WDR17: variants seen among roughly 807,000 people sequenced by gnomAD.
The protein encoded by WDR17 is WD repeat-containing protein 17.
Under a neutral mutation model 161.7 loss-of-function variants are expected in WDR17, and 143 were observed. The observed-to-expected ratio is 0.88, with a 90% CI of 0.77 to 1.02. The LOEUF is 1.02. WDR17 is among the 50% of genes least tolerant of loss of function. The pLI is 0.00. For synonymous variants in WDR17, 517 were observed against 515.6 expected (o/e 1.00, Z -0.04); for missense variants, 1,469 against 1,520.9 (o/e 0.97, Z 0.57).
chr4:176,164,792 C>T (rs1374430381), intron 22 of WDR17, among the ~76,000 whole-genome samples: 1 of 152,114 alleles, frequency 6.6e-6, no homozygotes, highest in Non-Finnish European at 1.5e-5. Flanking sequence ...TCCCTTCCCC[C>T]ACTAAAATGT....
At chr4:176,119,623 T>A (rs1335632532) in intron 3 of WDR17, among the ~76,000 whole-genome samples, 1 of 152,220 alleles carries the variant, frequency 6.6e-6, no homozygotes, top group East Asian at 1.9e-4. Flanking sequence ...TTTGACTATA[T>A]GAAGCAAATG....
intron 26 of WDR17, 72 bp downstream of exon 26, chr4:176,174,790 GA>G: frequency 1.1e-6 from 1 of 903,952 alleles, no homozygotes; most frequent in Non-Finnish European, 1.7e-6. Context: ...TCTCTAAGTG[GA>G]TTATACAAAG....
At chr4:176,101,092 T>A (rs1737750808) in intron 1 of WDR17, among the ~76,000 whole-genome samples, 1 of 152,140 alleles carries the variant, frequency 6.6e-6, no homozygotes, top group South Asian at 2.1e-4. Flanking sequence ...TCTATATGAA[T>A]TTTAGGATCG....
At chr4:176,089,029 C>T (rs144516394) in intron 1 of WDR17, among the ~76,000 whole-genome samples, 71 of 152,244 alleles carry the variant, frequency 4.7e-4, no homozygotes, top group African/African-American at 1.5e-3. Flanking sequence ...AATCTAATTA[C>T]ACTGTATCTC....
At chr4:176,145,230 G>C (rs992727063) in intron 11 of WDR17, among the ~76,000 whole-genome samples, 3 of 149,866 alleles carry the variant, frequency 2.0e-5, no homozygotes, top group Admixed American at 1.3e-4. Flanking sequence ...GCAGGTCCGT[G>C]ATTTCCACAG....
Position 176,157,006 on chromosome 4 carries a change from G to A in WDR17, c.2525+863G>A, listed in dbSNP as rs553609266. Among the ~76,000 whole-genome samples, 65 of 152,080 alleles carry A rather than the reference G, an allele frequency of 4.3e-4. 1 individual carries two copies. In the South Asian group the frequency reaches 0.012, roughly 28 times the overall value. On this transcript the variant is annotated intron_variant, in intron 18 of 28. Coordinates refer to ENST00000508596, the MANE Select transcript of WDR17 (RefSeq NM_181265.4). ...GGTCCTACCCTAATCCAGTATGACC[G>A]CATATTACTTCAACTAATTACATCG...
intron 26 of WDR17, among the ~76,000 whole-genome samples, 156 bp from the exon 27 acceptor site, chr4:176,176,902 G>A (rs1048562624): frequency 2.6e-5 from 4 of 152,016 alleles, no homozygotes; most frequent in African/African-American, 7.2e-5. Context: ...GCATATATAC[G>A]CATATACTAG....
chr4:176,159,558 AC>A (rs1281126598), intron 18 of WDR17, among the ~76,000 whole-genome samples: 4 of 152,140 alleles, frequency 2.6e-5, no homozygotes, highest in Non-Finnish European at 2.9e-5. Context: ...TTTTTAAGCT[AC>A]TTGAGTTTCA....
intron 12 of WDR17, among the ~76,000 whole-genome samples, chr4:176,147,738 T>C (rs187066661): frequency 1.6e-3 from 249 of 151,630 alleles, no homozygotes; most frequent in African/African-American, 5.6e-3. Context: ...ACATGTACCC[T>C]AAAACTTAAA....
intron 1 of WDR17, among the ~76,000 whole-genome samples, chr4:176,089,189 T>C (rs1231341286): frequency 1.3e-5 from 2 of 151,976 alleles, no homozygotes; most frequent in African/African-American, 2.4e-5. Flanking sequence ...AGCAGCAAAA[T>C]GTACTCATTA....
chr4:176,066,886 C>A (rs1023148726), intron 1 of WDR17, among the ~76,000 whole-genome samples: 3 of 152,188 alleles, frequency 2.0e-5, no homozygotes, highest in South Asian at 2.1e-4. Flanking sequence ...GGATACGAAA[C>A]GGCCAAAGCC....
chr4:176,133,983 G>A (rs2126766701), intron 7 of WDR17, among the ~76,000 whole-genome samples: 1 of 151,798 alleles, frequency 6.6e-6, no homozygotes, highest in South Asian at 2.1e-4. Context: ...TTAAGGCATA[G>A]CAGTGAAATA....
At chr4:176,163,077 C>T (rs777839579) in intron 21 of WDR17, 77 bp from the exon 22 acceptor site, 1 of 1,551,416 alleles carries the variant, frequency 6.4e-7, no homozygotes, top group Admixed American at 1.7e-5. Context: ...GCTTTATCTG[C>T]TTTATGAGCT....
At chr4:176,078,509 C>A (rs2126581682) in intron 1 of WDR17, among the ~76,000 whole-genome samples, 1 of 152,190 alleles carries the variant, frequency 6.6e-6, no homozygotes, top group South Asian at 2.1e-4. Context: ...CTGTCAGGAT[C>A]TGCTAGAAAT....
At chr4:176,076,408 G>GTTTTTTTT (rs564678477) in intron 1 of WDR17, among the ~76,000 whole-genome samples, 2 of 109,364 alleles carry the variant, frequency 1.8e-5, no homozygotes, top group Non-Finnish European at 3.6e-5. Flanking sequence ...GTCGTTGTTG[G>GTTTTTTTT]TTTTTTTTTT....
intron 25 of WDR17, 95 bp from the exon 26 acceptor site, chr4:176,174,522 C>T (rs1751182937): frequency 2.4e-6 from 2 of 842,664 alleles, no homozygotes; most frequent in African/African-American, 3.5e-5. Context: ...TAAATGTCAC[C>T]TTTCAGAATA....
intron 1 of WDR17, 58 bp downstream of exon 1, chr4:176,066,137 A>G (rs907069143): frequency 2.0e-4 from 30 of 152,388 alleles, no homozygotes; most frequent in African/African-American, 7.0e-4. Flanking sequence ...GATGTGGGTG[A>G]TGCTGGAACT....
intron 6 of WDR17, among the ~76,000 whole-genome samples, chr4:176,130,588 CA>C (rs35661254): frequency 0.32 from 47,899 of 151,322 alleles, 8,096 homozygotes; most frequent in Admixed American, 0.45. Flanking sequence ...ACTAAAAATA[CA>C]AAAAAATTAG....
Position 176,166,037 on chromosome 4 carries a change from C to T in WDR17, c.2991-2635C>T, listed in dbSNP as rs137953177. 80 of 671,272 alleles carry T rather than the reference C, an allele frequency of 1.2e-4. No individual in the cohort carries two copies. In the East Asian group the frequency reaches 1.7e-3, roughly 14 times the overall value. 41.6% of individuals were successfully genotyped at this position (671,272 alleles called of 1,614,324 possible). On this transcript the variant is annotated intron_variant, in intron 22 of 28. Coordinates refer to ENST00000508596, the MANE Select transcript of WDR17 (RefSeq NM_181265.4). Reference sequence around the variant, plus strand: ...TGCATAATTTTTAAGCTATAAACAGCGCTTTTTTTACATTTACTGTAAAAG... The same window carrying T: ...TGCATAATTTTTAAGCTATAAACAGTGCTTTTTTTACATTTACTGTAAAAG...
Sources: gnomAD v4.1 joint callset for allele counts (sites outside exome capture counted in the v4.1 genomes callset) on GRCh38, gnomAD v4.1.1 for gene constraint, MANE v1.5 for transcripts, NCBI Gene and HGNC (gene_info 2026-07-23, HGNC 2026-07-21) for gene names.